PTN: variants seen among roughly 807,000 people sequenced by gnomAD.
PTN encodes the protein pleiotrophin, also known as heparin affin regulatory protein.
A neutral mutation model predicts 24.1 loss-of-function variants in PTN; 18 were observed. The ratio of observed to expected loss-of-function variants is 0.75; its 90% CI spans 0.52 to 1.11. The LOEUF is 1.11. Ranked by LOEUF, PTN falls within the 50% of genes least tolerant of loss-of-function variation. The probability of loss-of-function intolerance (pLI) is 0.00; values close to 1 mark genes in which losing one functional copy is unlikely to be tolerated. For missense variants in PTN, 163 were observed against 198.8 expected (o/e 0.82, Z 1.08); for synonymous variants, 78 against 68.6 (o/e 1.14, Z -0.67).
At chr7:137,260,532 T>A (rs1426544000) in intron 1 of PTN, among the ~76,000 whole-genome samples, 1 of 152,150 alleles carries the variant, frequency 6.6e-6, no homozygotes, top group Admixed American at 6.6e-5. Flanking sequence ...ATTTTATTTT[T>A]AAACTGATAC....
At chr7:137,241,146 C>T (rs1435302212) in intron 4 of PTN, among the ~76,000 whole-genome samples, 2 of 152,126 alleles carry the variant, frequency 1.3e-5, no homozygotes, top group African/African-American at 4.8e-5. Flanking sequence ...AACTCACTCA[C>T]TATCAGGAGA....
chr7:137,246,154 G>A (rs887212081), intron 4 of PTN, among the ~76,000 whole-genome samples: 1 of 151,924 alleles, frequency 6.6e-6, no homozygotes, highest in African/African-American at 2.4e-5. Context: ...CTCCATTCAC[G>A]GTAAGTGCCC....
At chr7:137,321,230 T>C (rs890932809) in intron 1 of PTN, among the ~76,000 whole-genome samples, 2 of 152,210 alleles carry the variant, frequency 1.3e-5, no homozygotes, top group Non-Finnish European at 2.9e-5. Context: ...CTGAGGTTAA[T>C]ACCAGTTGTC....
intron 1 of PTN, among the ~76,000 whole-genome samples, chr7:137,282,784 G>T (rs770167555): frequency 1.9e-4 from 29 of 152,136 alleles, no homozygotes; most frequent in Admixed American, 5.9e-4. Context: ...ACTTAGTGAT[G>T]ATCTAAAAAT....
chr7:137,232,479 T>G (rs1808445122), intron 4 of PTN, among the ~76,000 whole-genome samples: 1 of 151,920 alleles, frequency 6.6e-6, no homozygotes, highest in African/African-American at 2.4e-5. Flanking sequence ...ACAAATACAT[T>G]GTTTTAAGAT....
At position 137,339,820 on chromosome 7, in the gene PTN, T is replaced by C. The variant is rs1361807569; in HGVS notation, c.-2+3619A>G. On this transcript the variant is annotated intron_variant, in intron 1 of 4. Coordinates refer to ENST00000348225, the MANE Select transcript of PTN (RefSeq NM_002825.7). ...AGAAATGAGAGAAAAGAAGGAGAAA[T>C]AGGTAAATGTAAAAGCAGGAAGAAA... Among the ~76,000 whole-genome samples, 5 of 150,402 alleles carry C rather than the reference T, an allele frequency of 3.3e-5. No individual in the cohort carries two copies. In the South Asian group the frequency reaches 1.1e-3, roughly 32 times the overall value.
At chr7:137,254,586 T>G (rs1401720704) in intron 2 of PTN, among the ~76,000 whole-genome samples, 1 of 152,010 alleles carries the variant, frequency 6.6e-6, no homozygotes, top group Non-Finnish European at 1.5e-5. Context: ...AGCACCTGAT[T>G]ACCGGTCAAT....
chr7:137,243,211 A>G (rs1416269578), intron 4 of PTN, among the ~76,000 whole-genome samples: 2 of 152,210 alleles, frequency 1.3e-5, no homozygotes, highest in Non-Finnish European at 2.9e-5. Context: ...CTGGGATTAC[A>G]GGTGTGAGCC....
chr7:137,308,454 A>C (rs1033543442), intron 1 of PTN, among the ~76,000 whole-genome samples: 1 of 152,174 alleles, frequency 6.6e-6, no homozygotes, highest in African/African-American at 2.4e-5. Context: ...CTAGTTTCTC[A>C]ATTTGGATGA....
At chr7:137,326,810 A>G (rs1810269595) in intron 1 of PTN, 1 of 152,194 alleles carries the variant, frequency 6.6e-6, no homozygotes, top group Non-Finnish European at 1.5e-5. Flanking sequence ...TTAGCTATTC[A>G]TGTGCCTGCC....
At chr7:137,269,020 G>A (rs1379305988) in intron 1 of PTN, among the ~76,000 whole-genome samples, 2 of 152,140 alleles carry the variant, frequency 1.3e-5, no homozygotes, top group Non-Finnish European at 2.9e-5. Context: ...AGAAATTCTT[G>A]AATTGGCCAT....
chr7:137,256,284 C>T (rs1481037258), intron 1 of PTN, among the ~76,000 whole-genome samples: 1 of 152,092 alleles, frequency 6.6e-6, no homozygotes, highest in Non-Finnish European at 1.5e-5. Flanking sequence ...GTTTGCTGCA[C>T]TTATTGACTG....
At chr7:137,295,848 G>A (rs1412487456) in intron 1 of PTN, among the ~76,000 whole-genome samples, 3 of 151,912 alleles carry the variant, frequency 2.0e-5, no homozygotes, top group Admixed American at 6.6e-5. Context: ...AAGCTCTGGA[G>A]CAAACAGATA....
At chr7:137,332,162 C>T (rs1244225557) in intron 1 of PTN, among the ~76,000 whole-genome samples, 1 of 152,130 alleles carries the variant, frequency 6.6e-6, no homozygotes, top group Admixed American at 6.6e-5. Context: ...TGTTAAAAAG[C>T]AGGACACCCA....
At position 137,311,253 on chromosome 7, in the gene PTN, A is replaced by T. The variant is rs915500982; in HGVS notation, c.-2+32186T>A. Among the ~76,000 whole-genome samples, 34 of 149,288 alleles carry T rather than the reference A, an allele frequency of 2.3e-4. 1 individual carries two copies. The highest frequency in any genetic ancestry group is 8.3e-4 in the African/African-American group (34 of 40,914). ...TTTCAAAAAAAAAAAAAAAAAAAGA[A>T]TTGAAGAGAGTTAAGGCCTTTCTCT... On this transcript the variant is annotated intron_variant, in intron 1 of 4. Transcript: ENST00000348225.
intron 1 of PTN, among the ~76,000 whole-genome samples, chr7:137,273,130 A>C (rs2128874676): frequency 6.6e-6 from 1 of 152,366 alleles, no homozygotes; most frequent in South Asian, 2.1e-4. Flanking sequence ...AGAGAACATT[A>C]TCTCTCTGTT....
intron 4 of PTN, among the ~76,000 whole-genome samples, chr7:137,246,587 T>C (rs1292521886): frequency 1.3e-5 from 2 of 152,102 alleles, no homozygotes; most frequent in Non-Finnish European, 2.9e-5. Flanking sequence ...AAAAATGACA[T>C]CAAAAGAGAA....
At chr7:137,324,274 A>G (rs1348231117) in intron 1 of PTN, among the ~76,000 whole-genome samples, 1 of 151,564 alleles carries the variant, frequency 6.6e-6, no homozygotes, top group African/African-American at 2.4e-5. Flanking sequence ...GTATGCCTAT[A>G]GTCTCAGCTA....
At chr7:137,292,061 G>C (rs1182631994) in intron 1 of PTN, among the ~76,000 whole-genome samples, 3 of 152,072 alleles carry the variant, frequency 2.0e-5, no homozygotes, top group Admixed American at 6.6e-5. Flanking sequence ...GTCAGTCTTT[G>C]CCTGCCCTGA....
Sources: allele counts gnomAD v4.1 joint callset (sites outside exome capture counted in the v4.1 genomes callset), GRCh38; gene constraint gnomAD v4.1.1; transcripts MANE v1.5; gene names NCBI Gene and HGNC (gene_info 2026-07-23, HGNC 2026-07-21).